HAUS1: variants seen among roughly 807,000 people sequenced by gnomAD.
The protein encoded by HAUS1 is HAUS augmin like complex subunit 1, also known as HAUS augmin-like complex subunit 1.
In HAUS1, 25 loss-of-function variants were observed where a neutral mutation model predicts 38.6. That is an observed-to-expected ratio of 0.65 (90% CI 0.47 to 0.91). The LOEUF is 0.91. Ranked by LOEUF, HAUS1 falls within the 40% of genes least tolerant of loss-of-function variation. The pLI, the probability that HAUS1 is intolerant of heterozygous loss-of-function variation, is 0.00. For synonymous variants in HAUS1, 109 were observed against 112.9 expected (o/e 0.97, Z 0.22); for missense variants, 325 against 328.4 (o/e 0.99, Z 0.08).
intron 7 of HAUS1, 135 bp downstream of exon 7, chr18:46,125,028 G>A: frequency 1.9e-6 from 1 of 538,804 alleles, no homozygotes; most frequent in South Asian, 2.3e-5. Context: ...GGGAGGACAA[G>A]GCAGGCTGAT....
At chr18:46,126,894 G>A (rs1022134380) in intron 8 of HAUS1, 3 of 151,160 alleles carry the variant, frequency 2.0e-5, no homozygotes, top group African/African-American at 4.9e-5. Flanking sequence ...GATTGCAATG[G>A]CATGATCTCA....
chr18:46,110,077 C>T (rs1414895223), intron 2 of HAUS1, among the ~76,000 whole-genome samples: 1 of 151,616 alleles, frequency 6.6e-6, no homozygotes, highest in Non-Finnish European at 1.5e-5. Context: ...ACAAAACTTC[C>T]CTTAGTTCTT....
intron 4 of HAUS1, among the ~76,000 whole-genome samples, chr18:46,120,880 C>T (rs1015452993): frequency 6.6e-6 from 1 of 152,196 alleles, no homozygotes; most frequent in Non-Finnish European, 1.5e-5. Context: ...GCCACCGCAC[C>T]CAGCCTCCTG....
chr18:46,125,639 C>A (rs1912083490), intron 7 of HAUS1, 105 bp from the exon 8 acceptor site: 2 of 696,356 alleles, frequency 2.9e-6, no homozygotes, highest in East Asian at 5.4e-5. Flanking sequence ...ATTGGGTATC[C>A]CTCTGGGAGG....
At chr18:46,112,164 C>G (rs983531018) in intron 2 of HAUS1, among the ~76,000 whole-genome samples, 1 of 148,852 alleles carries the variant, frequency 6.7e-6, no homozygotes, top group Non-Finnish European at 1.5e-5. Flanking sequence ...GGATTACAGG[C>G]GTGAACTACC....
At chr18:46,125,817 G>A (rs758204577) in intron 8 of HAUS1, 26 bp downstream of exon 8, 2 of 1,484,820 alleles carry the variant, frequency 1.3e-6, no homozygotes, top group Admixed American at 1.8e-5. Flanking sequence ...AATTTTTTCA[G>A]ATTTTTTTAA....
chr18:46,111,277 G>A (rs931394091), intron 2 of HAUS1, among the ~76,000 whole-genome samples: 10 of 151,910 alleles, frequency 6.6e-5, no homozygotes, highest in Non-Finnish European at 8.8e-5. Context: ...GTATATTATT[G>A]CTTTTGAATG....
chr18:46,121,285 G>A (rs1040763943), intron 4 of HAUS1, among the ~76,000 whole-genome samples: 1 of 151,962 alleles, frequency 6.6e-6, no homozygotes. Flanking sequence ...CGCTTCCCGG[G>A]TTCAAGTGAT....
Position 46,125,805 on chromosome 18 carries a change from G to C in HAUS1, c.786+14G>C. The C allele has an allele frequency of 6.4e-7, 1 of 1,553,758 alleles. No homozygotes were observed. The highest frequency in any genetic ancestry group is 8.8e-7 in the Non-Finnish European group (1 of 1,133,416). ...AAGCGAGAACTAGTAAGTAGTTCCT[G>C]TAATTTTTTCAGATTTTTTTAAAAA... is the stretch of plus-strand genomic sequence containing the variant. On this transcript the variant is annotated intron_variant, in intron 8 of 8. Coordinates refer to ENST00000282058, the MANE Select transcript of HAUS1 (RefSeq NM_138443.4).
chr18:46,115,168 A>G (rs1474486270), intron 2 of HAUS1: 1 of 152,176 alleles, frequency 6.6e-6, no homozygotes, highest in Non-Finnish European at 1.5e-5. Context: ...ATTCTCTCAA[A>G]ATGAATAAAG....
intron 2 of HAUS1, among the ~76,000 whole-genome samples, chr18:46,109,166 G>A (rs1911555748): frequency 6.6e-6 from 1 of 152,040 alleles, no homozygotes; most frequent in Admixed American, 6.6e-5. Context: ...GGTTGAAGGT[G>A]AAGGGGAAGC....
chr18:46,106,014 C>T (rs1911465906), intron 2 of HAUS1, among the ~76,000 whole-genome samples: 1 of 152,132 alleles, frequency 6.6e-6, no homozygotes, highest in African/African-American at 2.4e-5. Context: ...TTTTTACTTA[C>T]CTATCTGTTT....
In HAUS1 at chr18:46,104,406, G is replaced by T. The variant is rs2030967829; in HGVS notation, c.-6G>T. The T allele has an allele frequency of 6.9e-7, 1 of 1,453,860 alleles. No homozygotes were observed. The allele number at this position is 1,453,860 out of a possible 1,614,324, so 90.1% of individuals were successfully genotyped here. A position where few individuals can be genotyped will look rare whatever the true frequency, so the allele number is the denominator to read the frequency against. Reference sequence around the variant, plus strand: ...AGTTCCTAGTAAAGTGGCGGGAGCCGCAGCTATGGAGCCGCAGGAGGAGAG... The same window carrying T: ...AGTTCCTAGTAAAGTGGCGGGAGCCTCAGCTATGGAGCCGCAGGAGGAGAG... On this transcript the variant is annotated 5_prime_UTR_variant, in exon 1 of 9. Transcript: ENST00000282058.
At chr18:46,112,376 A>T (rs1442561521) in intron 2 of HAUS1, among the ~76,000 whole-genome samples, 21 of 95,764 alleles carry the variant, frequency 2.2e-4, no homozygotes, top group Non-Finnish European at 3.5e-4. Flanking sequence ...GTGTATATAT[A>T]TTCCATATTA....
intron 2 of HAUS1, among the ~76,000 whole-genome samples, chr18:46,117,543 A>T (rs1215077253): frequency 6.6e-6 from 1 of 152,102 alleles, no homozygotes; most frequent in Non-Finnish European, 1.5e-5. Context: ...GTGATGACTA[A>T]GGGGGCCGGG....
At chr18:46,104,465 G>T in intron 1 of HAUS1, 24 bp downstream of exon 1, 1 of 1,460,892 alleles carries the variant, frequency 6.8e-7, no homozygotes, top group South Asian at 1.4e-5. Flanking sequence ...AATGGGGATC[G>T]TTGGCCTCCT....
At chr18:46,123,264 T>C (rs746638363) in intron 5 of HAUS1, 35 bp from the exon 6 acceptor site, 22 of 1,450,474 alleles carry the variant, frequency 1.5e-5, no homozygotes, top group Non-Finnish European at 2.1e-5. Flanking sequence ...TTTCAAATAA[T>C]TTTTTAACTG....
At position 46,120,071 on chromosome 18, in the gene HAUS1, G is replaced by T; in HGVS notation, c.476+11G>T. The T allele has an allele frequency of 6.4e-7, 1 of 1,561,258 alleles. No individual in the cohort carries two copies. The highest frequency in any genetic ancestry group is 8.7e-7 in the Non-Finnish European group (1 of 1,149,312). ...AAAATGTCTACAAGAGTAAGTAATT[G>T]AGTTCAGAGTGGTGACAATTTATAA... On this transcript the variant is annotated intron_variant, in intron 4 of 8. Coordinates refer to ENST00000282058, the MANE Select transcript of HAUS1 (RefSeq NM_138443.4).
At chr18:46,126,844 T>A (rs191054963) in intron 8 of HAUS1, 5 of 144,536 alleles carry the variant, frequency 3.5e-5, no homozygotes, top group East Asian at 2.0e-4. Context: ...TTTATTTATT[T>A]ATTATTTTGA....
Sources: gnomAD v4.1 joint callset for allele counts (sites outside exome capture counted in the v4.1 genomes callset) on GRCh38, gnomAD v4.1.1 for gene constraint, MANE v1.5 for transcripts, NCBI Gene and HGNC (gene_info 2026-07-23, HGNC 2026-07-21) for gene names.